The following SEC16B variants were observed in gnomAD, a reference collection of about 807,000 sequenced individuals.
SEC16B encodes protein transport protein Sec16B.
In SEC16B, 115 loss-of-function variants were observed where a neutral mutation model predicts 141.8. That is an observed-to-expected ratio of 0.81 (90% CI 0.70 to 0.95). SEC16B has a LOEUF of 0.95. Ranked by LOEUF, SEC16B falls within the 40% of genes least tolerant of loss-of-function variation. The pLI is 0.00. For synonymous variants in SEC16B, 493 were observed against 492.5 expected, an observed-to-expected ratio of 1.00 and a Z score of -0.01; for missense variants, 1,291 against 1,312.3, an observed-to-expected ratio of 0.98 and a Z score of 0.25.
At chr1:177,936,160 A>T (rs1650822026) in intron 20 of SEC16B, 138 bp downstream of exon 20, 4 of 692,642 alleles carry the variant, frequency 5.8e-6, no homozygotes, top group Non-Finnish European at 1.0e-5. Context: ...GGAATAGGAA[A>T]AGGCAAGGCG....
intron 8 of SEC16B, chr1:177,959,363 TA>T: frequency 3.8e-6 from 1 of 260,082 alleles, no homozygotes; most frequent in Non-Finnish European, 7.6e-6. Context: ...ATAGGGACAG[TA>T]AAAGGACCTA....
In SEC16B at chr1:177,951,905, TA is replaced by T. The variant is rs1382372241; in HGVS notation, c.1545+8del. The T allele has an allele frequency of 6.3e-7, 1 of 1,594,266 alleles. No homozygotes were observed. The highest frequency in any genetic ancestry group is 8.5e-7 in the Non-Finnish European group (1 of 1,170,636). Reference sequence around the variant, plus strand: ...CCTGGGTGATAAAGGAATCCTGTCATAGGGGTACCGTGGCTGCCTGTGGAAT... The same window carrying T: ...CCTGGGTGATAAAGGAATCCTGTCATGGGGTACCGTGGCTGCCTGTGGAAT... On this transcript the variant is annotated splice_region_variant and intron_variant, in intron 12 of 25. Coordinates refer to ENST00000308284, the MANE Select transcript of SEC16B (RefSeq NM_033127.4).
rs1211989636 is a variant in SEC16B, at chr1:177,961,584, AC to A, written c.787+5del. ...AATCAACTCTTCTGATCATTTTAGAACCCACCAGCCTGAACTGGACTCCAAG... is the reference window on the plus strand; with the variant it reads ...AATCAACTCTTCTGATCATTTTAGAACCACCAGCCTGAACTGGACTCCAAG... On this transcript the variant is annotated splice_donor_5th_base_variant and intron_variant, in intron 6 of 25. Transcript: ENST00000308284. The A allele has an allele frequency of 6.2e-7, 1 of 1,603,242 alleles. No individual in the cohort carries two copies. Among genetic ancestry groups the A allele is most frequent in the Admixed American group, 1.8e-5 (1 of 56,376 alleles).
intron 6 of SEC16B, 173 bp downstream of exon 6, chr1:177,961,417 A>G: frequency 3.2e-6 from 2 of 621,812 alleles, no homozygotes; most frequent in Non-Finnish European, 5.4e-6. Context: ...TGCAATTACT[A>G]TTACAAGCAA....
At position 177,942,113 on chromosome 1, in the gene SEC16B, T is replaced by C. The variant is rs1325288981; in HGVS notation, c.1882-73A>G. ...AAGGAGAAAGAAACATAGATAAGAC[T>C]TCTTGGAAGTCAGCTGTCAGTTTCC... On this transcript the variant is annotated intron_variant, in intron 15 of 25. Transcript: ENST00000308284. 4 of 1,462,528 alleles carry C rather than the reference T, an allele frequency of 2.7e-6. No homozygotes were observed. In the African/African-American group the frequency reaches 4.3e-5, roughly 16 times the overall value. 90.6% of individuals were successfully genotyped at this position (1,462,528 alleles called of 1,614,324 possible). A position where few individuals can be genotyped will look rare whatever the true frequency, so the allele number is the denominator to read the frequency against.
chr1:177,974,810 G>C (rs1205761673), upstream of SEC16B, among the ~76,000 whole-genome samples: 2 of 152,186 alleles, frequency 1.3e-5, no homozygotes, highest in Non-Finnish European at 1.5e-5. Context: ...GACAAGAGAG[G>C]GTTTCTGCTG....
intron 9 of SEC16B, 42 bp downstream of exon 9, chr1:177,958,798 A>C (rs954128424): frequency 6.3e-7 from 1 of 1,582,804 alleles, no homozygotes; most frequent in Non-Finnish European, 8.6e-7. Flanking sequence ...TGAAGACTTA[A>C]ATTTCAGCCT....
Position 177,961,639 on chromosome 1 carries a change from C to T in SEC16B, c.738G>A (p.Pro246=), listed in dbSNP as rs774308265. ...CTGAAGCTGGGGGATCATCCCGCTC[C>T]GGGGCATCTCTGATGTACTGACTGA... ...YELSQYIRDA[P]ERDDPPASAA... is the part of the protein sequence containing the mutation. Residue 246 remains proline, a synonymous_variant, in exon 6 of 26, where the codon CCG becomes CCA. Coordinates refer to ENST00000308284, the MANE Select transcript of SEC16B (RefSeq NM_033127.4). 2.0e-5 allele frequency: 32 copies of T among 1,613,798 alleles called. No homozygotes were observed. Among genetic ancestry groups the T allele is most frequent in the East Asian group, 6.7e-5 (3 of 44,882 alleles).
rs373528898 is a variant in SEC16B, at chr1:177,933,595, G to T, written c.2613C>A (p.Ser871=). The change falls in exon 21 of 26, where the codon TCC becomes TCA. Residue 871 remains serine, a synonymous_variant. Coordinates refer to ENST00000308284, the MANE Select transcript of SEC16B (RefSeq NM_033127.4). Reference sequence around the variant, plus strand: ...TCTCATCCTCCTTGGCTGAACTGGCGGAACTCTCAGAAATACTTCGTGGTC... The same window carrying T: ...TCTCATCCTCCTTGGCTGAACTGGCTGAACTCTCAGAAATACTTCGTGGTC... ...AARPRSISES[S]ASSAKEDEKE... 6.2e-7 allele frequency: 1 copy of T among 1,613,900 alleles called. No individual in the cohort carries two copies. Among genetic ancestry groups the T allele is most frequent in the Non-Finnish European group, 8.5e-7 (1 of 1,179,854 alleles).
chr1:177,940,384 C>A (rs952556023), intron 17 of SEC16B, among the ~76,000 whole-genome samples: 1 of 152,094 alleles, frequency 6.6e-6, no homozygotes, highest in East Asian at 1.9e-4. Context: ...GTGTCACATG[C>A]GAACATAGGA....
At chr1:177,981,153 G>A (rs1345976913) in intron 1 of SEC16B, among the ~76,000 whole-genome samples, 8 of 152,086 alleles carry the variant, frequency 5.3e-5, no homozygotes, top group Non-Finnish European at 1.2e-4. Flanking sequence ...ACACAGTTAT[G>A]ATGAATACCT....
intron 17 of SEC16B, 28 bp downstream of exon 17, chr1:177,940,582 C>G (rs377403531): frequency 5.1e-5 from 79 of 1,534,134 alleles, no homozygotes; most frequent in Non-Finnish European, 6.7e-5. Flanking sequence ...GCCAGTCCCC[C>G]CAACGCCCTG....
In SEC16B at chr1:177,956,596, T is replaced by C. The variant is rs185176257; in HGVS notation, c.1365+1536A>G. 7.9e-3 allele frequency among the ~76,000 whole-genome samples: 920 copies of C among 116,022 alleles called. 12 individuals carry two copies. Among genetic ancestry groups the C allele is most frequent in the African/African-American group, 0.026 (883 of 34,152 alleles). 76.1% of individuals were successfully genotyped at this position (116,022 alleles called of 152,430 possible). A position where few individuals can be genotyped will look rare whatever the true frequency, so the allele number is the denominator to read the frequency against. ...AATTGATTCAAATTGATTTTAATTA[T>C]CTATCCAAATACTTAAATTTTTATG... On this transcript the variant is annotated intron_variant, in intron 10 of 25. Transcript: ENST00000308284.
At position 177,964,181 on chromosome 1, in the gene SEC16B, T is replaced by C; in HGVS notation, c.632A>G (p.Gln211Arg). 1.2e-6 allele frequency: 2 copies of C among 1,612,600 alleles called. No individual in the cohort carries two copies. Among genetic ancestry groups the C allele is most frequent in the Non-Finnish European group, 1.7e-6 (2 of 1,179,172 alleles). Residue 211 changes from glutamine (Q) to arginine (R), a missense_variant, in exon 5 of 26, where the codon CAG (glutamine) becomes CGG (arginine). Transcript: ENST00000308284. ...GTCACTTTAGGTTACCTTATTTTTC[T>C]GGGCCTCAGCAAGCAGGCTCCCTGG... is the stretch of plus-strand genomic sequence containing the variant. ...LFPGSLLAEA[Q>R]KNKPSLASES... is the part of the protein sequence containing the mutation.
upstream of SEC16B, among the ~76,000 whole-genome samples, chr1:177,973,724 A>G (rs1427896815): frequency 6.6e-6 from 1 of 152,230 alleles, no homozygotes; most frequent in African/African-American, 2.4e-5. Context: ...GATAAATAAC[A>G]TGCAATACCT....
intron 15 of SEC16B, among the ~76,000 whole-genome samples, chr1:177,943,296 T>C (rs761132344): frequency 7.2e-5 from 11 of 152,144 alleles, no homozygotes; most frequent in Non-Finnish European, 1.5e-4. Context: ...AAAGAGAAGA[T>C]GCTATAGGAC....
chr1:177,944,243 G>C (rs996577597), intron 15 of SEC16B, among the ~76,000 whole-genome samples: 4 of 152,218 alleles, frequency 2.6e-5, no homozygotes, highest in Admixed American at 6.5e-5. Flanking sequence ...AGGGAGAGCT[G>C]TCTGGAGAGA....
intron 5 of SEC16B, 39 bp from the exon 6 acceptor site, chr1:177,961,773 A>G (rs759964863): frequency 1.3e-6 from 2 of 1,599,236 alleles, no homozygotes; most frequent in Non-Finnish European, 8.5e-7. Context: ...AAGAAGTTTC[A>G]GAGAGCTGGT....
At chr1:177,955,557 G>A (rs530363499) in intron 10 of SEC16B, among the ~76,000 whole-genome samples, 5 of 152,182 alleles carry the variant, frequency 3.3e-5, no homozygotes, top group South Asian at 2.1e-4. Context: ...ATGTCACCCA[G>A]GCTGGTCTCA....
Sources: gnomAD v4.1 joint callset for allele counts (sites outside exome capture counted in the v4.1 genomes callset) on GRCh38, gnomAD v4.1.1 for gene constraint, MANE v1.5 for transcripts, NCBI Gene and HGNC (gene_info 2026-07-23, HGNC 2026-07-21) for gene names.